Variants in USP15 observed in about 807,000 individuals in gnomAD.
USP15 encodes the protein ubiquitin specific peptidase 15, also known as ubiquitin carboxyl-terminal hydrolase 15.
USP15 carries 18 observed loss-of-function variants against 127.1 expected under a neutral mutation model. That is an observed-to-expected ratio of 0.14 (90% CI 0.10 to 0.21). USP15 has a LOEUF of 0.21. Ranked by LOEUF, USP15 falls within the 10% of genes least tolerant of loss-of-function variation. The probability of loss-of-function intolerance (pLI) is 1.00; values close to 1 mark genes in which losing one functional copy is unlikely to be tolerated. For synonymous variants in USP15, 364 were observed against 393.7 expected (o/e 0.92, Z 0.89); for missense variants, 805 against 1,159.9 (o/e 0.69, Z 4.44).
At chr12:62,388,074 TA>T (rs2067208538) in intron 11 of USP15, among the ~76,000 whole-genome samples, 2 of 151,732 alleles carry the variant, frequency 1.3e-5, no homozygotes, top group Admixed American at 6.6e-5. Flanking sequence ...CTGCTGATAT[TA>T]AGGGAGCAGT....
chr12:62,385,402 T>C (rs548007574), intron 11 of USP15, among the ~76,000 whole-genome samples: 2 of 152,130 alleles, frequency 1.3e-5, no homozygotes, highest in East Asian at 1.9e-4. Flanking sequence ...TATTTGGGTT[T>C]ATTGTCAACA....
chr12:62,401,155 T>G (rs764657025), intron 20 of USP15, 32 bp from the exon 21 acceptor site: 3 of 1,537,600 alleles, frequency 2.0e-6, no homozygotes, highest in Non-Finnish European at 2.7e-6. Flanking sequence ...CCAAGATCAT[T>G]TTCGTCACAG....
chr12:62,394,339 A>G (rs940878769), intron 19 of USP15, among the ~76,000 whole-genome samples: 1 of 152,240 alleles, frequency 6.6e-6, no homozygotes, highest in Non-Finnish European at 1.5e-5. Context: ...TAGTAAGTAG[A>G]CAATTGCTAA....
Position 62,384,270 on chromosome 12 carries a change from G to C in USP15, c.1441G>C (p.Val481Leu). Reference protein sequence around the residue: ...KKERTLEVYLVRMDPLTKPMQ... With the variant: ...KKERTLEVYLLRMDPLTKPMQ... The stretch of plus-strand genomic sequence containing the variant: ...AGAACGCACCTTGGAAGTTTACTTA[G>C]TTAGAATGGATCCACTTACCAAACC... The change falls in exon 11 of 22, where the codon GTT becomes CTT. Residue 481 changes from valine to leucine, a missense_variant. By Grantham distance (32) the Val-to-Leu change is conservative (BLOSUM62 1). This residue lies in a region of USP15 where 84 missense variants were observed against 210.3 expected (regional missense o/e 0.40). Coordinates refer to ENST00000280377, the MANE Select transcript of USP15 (RefSeq NM_001252078.2). 2 of 1,593,556 alleles carry C rather than the reference G, an allele frequency of 1.3e-6. No homozygotes were observed. Among genetic ancestry groups the C allele is most frequent in the East Asian group, 2.3e-5 (1 of 43,340 alleles).
intron 8 of USP15, among the ~76,000 whole-genome samples, chr12:62,360,239 T>C (rs2066271709): frequency 6.6e-6 from 1 of 152,096 alleles, no homozygotes; most frequent in Non-Finnish European, 1.5e-5. Context: ...TAGGAAGTCA[T>C]TGAAAAAAAT....
At chr12:62,357,554 G>A (rs1283091275) in intron 8 of USP15, among the ~76,000 whole-genome samples, 1 of 152,022 alleles carries the variant, frequency 6.6e-6, no homozygotes, top group East Asian at 1.9e-4. Flanking sequence ...TATGGTAATA[G>A]CCATAAAATT....
Position 62,389,524 on chromosome 12 carries a change from T to C in USP15, c.1557+10T>C. On this transcript the variant is annotated intron_variant, in intron 12 of 21. Coordinates refer to ENST00000280377, the MANE Select transcript of USP15 (RefSeq NM_001252078.2). ...AATACCTGCAGATAAGGTAAGATGTTTCTGGGGTTGAAGTATATAAGTTGG... is the reference window on the plus strand; with the variant it reads ...AATACCTGCAGATAAGGTAAGATGTCTCTGGGGTTGAAGTATATAAGTTGG... 13 of 1,613,360 alleles carry C rather than the reference T, an allele frequency of 8.1e-6. No homozygotes were observed. The highest frequency in any genetic ancestry group is 1.1e-5 in the Non-Finnish European group (13 of 1,179,718).
intron 1 of USP15, among the ~76,000 whole-genome samples, chr12:62,271,709 A>G (rs1460052856): frequency 5.3e-5 from 8 of 151,888 alleles, no homozygotes; most frequent in East Asian, 3.8e-4. Context: ...TATGTCACAT[A>G]TGGTTACAAG....
intron 4 of USP15, 89 bp downstream of exon 4, chr12:62,315,005 A>G (rs1193737439): frequency 8.1e-7 from 1 of 1,236,020 alleles, no homozygotes; most frequent in East Asian, 2.8e-5. Flanking sequence ...GATGATAACC[A>G]TTTTAAGGAT....
chr12:62,277,811 G>A (rs771324761), intron 1 of USP15, among the ~76,000 whole-genome samples: 1 of 152,120 alleles, frequency 6.6e-6, no homozygotes, highest in Non-Finnish European at 1.5e-5. Context: ...CCTCAGGTTG[G>A]ACAAGCTTGG....
rs889028811 is a variant in USP15, at chr12:62,374,295, G to A, written c.916-7195G>A. 1.8e-5 allele frequency: 14 copies of A among 785,204 alleles called. No homozygotes were observed. The African/African-American group carries it at 2.4e-4, about 14-fold the overall frequency. 48.6% of individuals were successfully genotyped at this position (785,204 alleles called of 1,614,324 possible). A position where few individuals can be genotyped will look rare whatever the true frequency, so the allele number is the denominator to read the frequency against. ...GTATAGCCATTTTTTTAAGGGTTGTGAGTGGTATTACCTTTTGATTAGTTA... is the reference window on the plus strand; with the variant it reads ...GTATAGCCATTTTTTTAAGGGTTGTAAGTGGTATTACCTTTTGATTAGTTA... On this transcript the variant is annotated intron_variant, in intron 8 of 21. Transcript: ENST00000280377.
intron 7 of USP15, among the ~76,000 whole-genome samples, chr12:62,351,603 A>C (rs2065969093): frequency 6.6e-6 from 1 of 152,030 alleles, no homozygotes; most frequent in Non-Finnish European, 1.5e-5. Flanking sequence ...TAAATACGTG[A>C]CAGTATAATC....
At chr12:62,348,833 A>G (rs1370259650) in intron 6 of USP15, among the ~76,000 whole-genome samples, 3 of 152,112 alleles carry the variant, frequency 2.0e-5, no homozygotes, top group South Asian at 2.1e-4. Flanking sequence ...TCAGTGTTGT[A>G]CATAATTAGA....
intron 6 of USP15, among the ~76,000 whole-genome samples, chr12:62,334,781 GACTTA>G (rs1421631527): frequency 2.8e-4 from 42 of 152,276 alleles, no homozygotes; most frequent in Non-Finnish European, 5.0e-4. Flanking sequence ...TCAACGTTCA[GACTTA>G]ACTTCTCTGT....
intron 1 of USP15, among the ~76,000 whole-genome samples, chr12:62,280,957 A>G (rs2063629973): frequency 6.6e-6 from 1 of 152,218 alleles, no homozygotes; most frequent in Admixed American, 6.5e-5. Context: ...TTAAGTCCAT[A>G]AAAGAAACTC....
At chr12:62,337,439 G>A (rs115250882) in intron 6 of USP15, among the ~76,000 whole-genome samples, 3,350 of 151,950 alleles carry the variant, frequency 0.022, 123 homozygotes, top group African/African-American at 0.075. Flanking sequence ...AGAAACTCCC[G>A]TTTTGTTTTG....
At chr12:62,307,094 A>C (rs1194868191) in intron 3 of USP15, among the ~76,000 whole-genome samples, 1 of 152,148 alleles carries the variant, frequency 6.6e-6, no homozygotes, top group Non-Finnish European at 1.5e-5. Flanking sequence ...GCTTTTGTCT[A>C]ATGGAATGAA....
At chr12:62,295,160 A>G (rs1327217036) in intron 2 of USP15, among the ~76,000 whole-genome samples, 1 of 152,182 alleles carries the variant, frequency 6.6e-6, no homozygotes, top group African/African-American at 2.4e-5. Flanking sequence ...GTTGCTCTTA[A>G]GTCTTCAACT....
intron 8 of USP15, among the ~76,000 whole-genome samples, chr12:62,362,697 GACTCTC>G (rs1422655095): frequency 1.3e-5 from 2 of 152,056 alleles, no homozygotes; most frequent in Non-Finnish European, 2.9e-5. Flanking sequence ...TCTATTAGGT[GACTCTC>G]ACTCTCATAA....
Sources: gnomAD v4.1 joint callset for allele counts (sites outside exome capture counted in the v4.1 genomes callset) on GRCh38, gnomAD v4.1.1 for gene constraint, gnomAD v4.1.1 regional missense constraint, MANE v1.5 for transcripts, NCBI Gene and HGNC (gene_info 2026-07-23, HGNC 2026-07-21) for gene names.